The following FBRSL1 variants were observed in gnomAD, a reference collection of about 807,000 sequenced individuals.
FBRSL1 encodes the protein fibrosin like 1.
FBRSL1 carries 51 observed loss-of-function variants against 89.6 expected under a neutral mutation model. The observed-to-expected ratio is 0.57, with a 90% CI of 0.45 to 0.72. The LOEUF is 0.72. Ranked by LOEUF, FBRSL1 falls within the 30% of genes least tolerant of loss-of-function variation. FBRSL1 has a pLI of 0.00. For synonymous variants in FBRSL1, 779 were observed against 681.1 expected, an observed-to-expected ratio of 1.14 and a Z score of -2.24; for missense variants, 1,618 against 1,451.8, an observed-to-expected ratio of 1.11 and a Z score of -1.86.
At chr12:132,502,960 C>T (rs1368435617) in intron 1 of FBRSL1, among the ~76,000 whole-genome samples, 1 of 151,586 alleles carries the variant, frequency 6.6e-6, no homozygotes, top group African/African-American at 2.4e-5. Context: ...CACTGCTGTT[C>T]TCCATGACAC....
intron 15 of FBRSL1, among the ~76,000 whole-genome samples, chr12:132,577,388 G>GA (rs1330979959): frequency 6.6e-6 from 1 of 152,210 alleles, no homozygotes; most frequent in Non-Finnish European, 1.5e-5. Context: ...TTCCCAGGAG[G>GA]AGTTTGGCCT....
chr12:132,510,401 C>T lies in FBRSL1; in HGVS notation c.489+2051C>T. 4.1e-6 allele frequency: 5 copies of T among 1,231,986 alleles called. No homozygotes were observed. The South Asian group carries it at 2.1e-4, about 51-fold the overall frequency. The allele number at this position is 1,231,986 out of a possible 1,614,324, so 76.3% of individuals were successfully genotyped here. On this transcript the variant is annotated intron_variant, in intron 2 of 18. Coordinates refer to ENST00000680143, the MANE Select transcript of FBRSL1 (RefSeq NM_001367871.1). Reference sequence around the variant, plus strand: ...GGTCCCGGTGGACCCGATCCTGTGCCCCCGGGATGGCCCGTCAGGCCCCAT... The same window carrying T: ...GGTCCCGGTGGACCCGATCCTGTGCTCCCGGGATGGCCCGTCAGGCCCCAT...
intron 3 of FBRSL1, among the ~76,000 whole-genome samples, chr12:132,527,070 G>A (rs2035847851): frequency 6.6e-6 from 1 of 152,114 alleles, no homozygotes; most frequent in Admixed American, 6.5e-5. Flanking sequence ...GATGTCTGAG[G>A]GGCCCCCAGC....
intron 2 of FBRSL1, 116 bp downstream of exon 2, chr12:132,508,466 G>A (rs1436949856): frequency 7.6e-6 from 9 of 1,186,538 alleles, no homozygotes; most frequent in Middle Eastern, 2.9e-4. Context: ...CTGGCAGCGC[G>A]CCCATCGTTG....
At chr12:132,519,155 G>A (rs570441896) in intron 2 of FBRSL1, among the ~76,000 whole-genome samples, 8 of 152,384 alleles carry the variant, frequency 5.2e-5, no homozygotes, top group African/African-American at 1.9e-4. Flanking sequence ...TACTGTGTCT[G>A]CCTGTGCTAG....
chr12:132,497,900 G>A (rs1299226539), intron 1 of FBRSL1, among the ~76,000 whole-genome samples: 4 of 152,308 alleles, frequency 2.6e-5, no homozygotes, highest in Non-Finnish European at 5.9e-5. Context: ...TTTGTGCCAC[G>A]CATGTGCCTC....
At chr12:132,502,317 G>A (rs751914716) in intron 1 of FBRSL1, among the ~76,000 whole-genome samples, 15 of 152,282 alleles carry the variant, frequency 9.9e-5, no homozygotes, top group Non-Finnish European at 1.8e-4. Context: ...GCAAACTGCC[G>A]CCCTGGGCCA....
At chr12:132,564,343 G>A (rs1289340137) in intron 5 of FBRSL1, among the ~76,000 whole-genome samples, 7 of 142,490 alleles carry the variant, frequency 4.9e-5, no homozygotes, top group Non-Finnish European at 7.6e-5. Context: ...AGTAATCCAC[G>A]TGTTCCAGAT....
At position 132,499,874 on chromosome 12, in the gene FBRSL1, G is replaced by A. The variant is rs901580809; in HGVS notation, c.292-8279G>A. ...AGAACGGCCTCTGAGCCCCAGCTCC[G>A]TTGGCGCAGCAGAGCTGTGCTGATC... On this transcript the variant is annotated intron_variant, in intron 1 of 18. Coordinates refer to ENST00000680143, the MANE Select transcript of FBRSL1 (RefSeq NM_001367871.1). The surrounding 1 kb of genome is among the most constrained non-coding windows in gnomAD (Gnocchi z 4.3). Among the ~76,000 whole-genome samples the A allele has an allele frequency of 1.3e-5, 2 of 152,188 alleles. No individual in the cohort carries two copies.
chr12:132,511,074 G>T (rs1014259593), intron 2 of FBRSL1: 5 of 985,740 alleles, frequency 5.1e-6, no homozygotes, highest in African/African-American at 3.5e-5. Context: ...TTCAGTCCAG[G>T]CCCTCCCCCT....
intron 1 of FBRSL1, among the ~76,000 whole-genome samples, chr12:132,502,902 G>A (rs942986246): frequency 7.2e-6 from 1 of 138,266 alleles, no homozygotes; most frequent in African/African-American, 2.7e-5. Flanking sequence ...TCCACCTGCC[G>A]TGCCCCCTGC....
rs2040387264 is a variant in FBRSL1 at position 132,576,421 on chromosome 12, GA to G, written c.1702-377del. 2.0e-5 allele frequency among the ~76,000 whole-genome samples: 3 copies of G among 152,094 alleles called. No homozygotes were observed. The South Asian group carries it at 6.2e-4, about 32-fold the overall frequency. ...TTGGCCAGGCTGGTCTCGAACTCCTGACCTCAGGTGATCCGCCCGTATCAGC... is the reference window on the plus strand; with the variant it reads ...TTGGCCAGGCTGGTCTCGAACTCCTGCCTCAGGTGATCCGCCCGTATCAGC... On this transcript the variant is annotated intron_variant, in intron 14 of 18. Coordinates refer to ENST00000680143, the MANE Select transcript of FBRSL1 (RefSeq NM_001367871.1).
intron 18 of FBRSL1, 139 bp from the exon 19 acceptor site, chr12:132,582,832 G>A: frequency 1.6e-6 from 1 of 613,594 alleles, no homozygotes; most frequent in South Asian, 3.3e-5. Context: ...GCCTGTGGGG[G>A]TGCGGGAGCT....
At chr12:132,555,516 CCCCACCCG>C (rs2038561301) in intron 5 of FBRSL1, among the ~76,000 whole-genome samples, 1 of 151,294 alleles carries the variant, frequency 6.6e-6, no homozygotes, top group Non-Finnish European at 1.5e-5. Context: ...ACGGTAGCCG[CCCCACCCG>C]AGCGTGAGCG....
At chr12:132,564,270 A>C (rs931152174) in intron 5 of FBRSL1, among the ~76,000 whole-genome samples, 5 of 152,178 alleles carry the variant, frequency 3.3e-5, no homozygotes, top group African/African-American at 1.2e-4. Context: ...CCTGAACAGC[A>C]GCCCAGCTCC....
chr12:132,549,778 A>G (rs1206429240), intron 5 of FBRSL1, among the ~76,000 whole-genome samples: 15 of 152,250 alleles, frequency 9.9e-5, no homozygotes, highest in Non-Finnish European at 1.9e-4. Context: ...AACCAAGGGT[A>G]ACGCCAGCCT....
At chr12:132,549,422 G>C (rs1448696403) in intron 5 of FBRSL1, among the ~76,000 whole-genome samples, 1 of 152,230 alleles carries the variant, frequency 6.6e-6, no homozygotes, top group Non-Finnish European at 1.5e-5. Flanking sequence ...CCCGAACCGT[G>C]ACGGGCCTAA....
At chr12:132,582,493 C>T (rs1164512803) in intron 18 of FBRSL1, among the ~76,000 whole-genome samples, 2 of 151,610 alleles carry the variant, frequency 1.3e-5, no homozygotes, top group Middle Eastern at 3.4e-3. Context: ...TGCTGAGCCC[C>T]GGGGTACGGG....
Position 132,574,323 on chromosome 12 carries a change from C to G in FBRSL1, c.1604C>G (p.Ser535Cys), listed in dbSNP as rs1255079574. The G allele has an allele frequency of 6.5e-7, 1 of 1,545,914 alleles. No homozygotes were observed. Among genetic ancestry groups the G allele is most frequent in the Non-Finnish European group, 8.7e-7 (1 of 1,144,976 alleles). ...ACTCCTTTCCTGTCTCCACAGGTGT[C>G]TGACCCGTACCGGGCGGTGGTCAAG... ...HTLLQKAPGV[S>C]DPYRAVVKKP... The change falls in exon 13 of 19, where the codon TCT becomes TGT. Residue 535 changes from serine to cysteine, a missense_variant. Coordinates refer to ENST00000680143, the MANE Select transcript of FBRSL1 (RefSeq NM_001367871.1).
Sources: gnomAD v4.1 joint callset for allele counts (sites outside exome capture counted in the v4.1 genomes callset) on GRCh38, gnomAD v4.1.1 for gene constraint, Gnocchi (gnomAD v3.1) non-coding constraint, MANE v1.5 for transcripts, NCBI Gene and HGNC (gene_info 2026-07-23, HGNC 2026-07-21) for gene names.